The following NIT1 variants were observed in gnomAD, a reference collection of about 807,000 sequenced individuals.
NIT1 encodes nitrilase 1.
A neutral mutation model predicts 36.8 loss-of-function variants in NIT1; 30 were observed. That is an observed-to-expected ratio of 0.82 (90% CI 0.61 to 1.11). The LOEUF is 1.11. Among genes scored for constraint, NIT1 ranks in the 50% least tolerant of loss-of-function variants. The pLI is 0.00. For missense variants in NIT1, 438 were observed against 410.6 expected, an observed-to-expected ratio of 1.07 and a Z score of -0.58; for synonymous variants, 151 against 155.6, an observed-to-expected ratio of 0.97 and a Z score of 0.22.
chr1:161,124,045 A>C, downstream of NIT1: 1 of 1,578,364 alleles, frequency 6.3e-7, no homozygotes, highest in Non-Finnish European at 8.6e-7. Flanking sequence ...AGTACTCCCC[A>C]GGATCAATGT....
In NIT1 at chr1:161,119,594, G is replaced by T. The variant is rs546850661; in HGVS notation, c.439G>T (p.Val147Leu). Reference protein sequence around the residue: ...EQTQKIYNCHVLLNSKGAVVA... With the variant: ...EQTQKIYNCHLLLNSKGAVVA... ...GACTCAGAAAATCTACAATTGTCACGTGCTGCTGAACAGCAAAGGTGAGAC... is the reference window on the plus strand; with the variant it reads ...GACTCAGAAAATCTACAATTGTCACTTGCTGCTGAACAGCAAAGGTGAGAC... The change falls in exon 4 of 7, where the codon GTG (valine) becomes TTG (leucine). Residue 147 changes from valine to leucine, a missense_variant. By Grantham distance (32) the Val-to-Leu change is conservative. Coordinates refer to ENST00000368009, the MANE Select transcript of NIT1 (RefSeq NM_005600.3). 2 of 1,614,080 alleles carry T rather than the reference G, an allele frequency of 1.2e-6. No individual in the cohort carries two copies. Among genetic ancestry groups the T allele is most frequent in the Non-Finnish European group, 1.7e-6 (2 of 1,179,960 alleles).
downstream of NIT1, chr1:161,124,683 CA>C (rs1202967626): frequency 6.0e-6 from 6 of 994,156 alleles, no homozygotes; most frequent in Non-Finnish European, 8.2e-6. Flanking sequence ...AAACACTGGC[CA>C]GGCACAGGGG....
At chr1:161,118,305 G>T in intron 1 of NIT1, 127 bp downstream of exon 1, 2 of 1,565,370 alleles carry the variant, frequency 1.3e-6, no homozygotes, top group Non-Finnish European at 1.7e-6. Context: ...GCGGCGGGAG[G>T]GTGGAGGGCG....
chr1:161,123,161 C>A, downstream of NIT1: 2 of 1,614,180 alleles, frequency 1.2e-6, no homozygotes, highest in Non-Finnish European at 1.7e-6. Flanking sequence ...TCGGGCTGGC[C>A]GCTTGCTACA....
rs1141246 is a variant in NIT1 at position 161,118,874 on chromosome 1, C to T, written c.91C>T (p.Gln31Ter). 1 of 1,612,662 alleles carries T rather than the reference C, an allele frequency of 6.2e-7. No individual in the cohort carries two copies. The highest frequency in any genetic ancestry group is 2.2e-5 in the East Asian group (1 of 44,872). Residue 31 changes from glutamine to a stop codon, truncating the protein, a stop_gained, in exon 2 of 7, where the codon CAG (glutamine) becomes TAG (stop). Coordinates refer to ENST00000368009, the MANE Select transcript of NIT1 (RefSeq NM_005600.3). LOFTEE classifies it high-confidence loss of function. ...RIPQLSVLCA[Q>*]PRPRAMAISS... is the part of the protein sequence containing the mutation. ...ACCTCAACTCTCAGTACTTTGTGCTCAGCCCAGGTAACACGTTTTGTTGTG... is the reference window on the plus strand; with the variant it reads ...ACCTCAACTCTCAGTACTTTGTGCTTAGCCCAGGTAACACGTTTTGTTGTG...
chr1:161,119,046 C>T (rs1422838632), intron 2 of NIT1, 88 bp from the exon 3 acceptor site: 7 of 1,528,104 alleles, frequency 4.6e-6, no homozygotes, highest in Non-Finnish European at 6.3e-6. Flanking sequence ...GGAAGTCCAG[C>T]TTTCCTGCCT....
chr1:161,122,015 C>CT, downstream of NIT1: 1 of 1,223,616 alleles, frequency 8.2e-7, no homozygotes, highest in Non-Finnish European at 1.1e-6. The surrounding 1 kb of genome is among the most constrained non-coding windows in gnomAD (Gnocchi z 4.2). Flanking sequence ...TTTCTTTTGT[C>CT]TTTTTCTTTA....
At position 161,121,143 on chromosome 1, in the gene NIT1, C is replaced by T; in HGVS notation, c.*378C>T. On this transcript the variant is annotated 3_prime_UTR_variant, in exon 7 of 7. Transcript: ENST00000368009. ...AGCTGGACTAAGCTCCAGTTCTAGA[C>T]CTCCTGGCTCATTCAACATGCCTCC... 1 of 1,071,816 alleles carries T rather than the reference C, an allele frequency of 9.3e-7. No individual in the cohort carries two copies. The highest frequency in any genetic ancestry group is 1.1e-6 in the Non-Finnish European group (1 of 881,140). 66.4% of individuals were successfully genotyped at this position (1,071,816 alleles called of 1,614,324 possible). A position where few individuals can be genotyped will look rare whatever the true frequency, so the allele number is the denominator to read the frequency against.
At chr1:161,121,939 AAAAGGGAAAT>A (rs1339034999), downstream of NIT1, 1 of 601,724 alleles carries the variant, frequency 1.7e-6, no homozygotes, top group African/African-American at 1.9e-5. Flanking sequence ...GGGTAAATGG[AAAAGGGAAAT>A]AAAGGGGAAG....
downstream of NIT1, chr1:161,123,769 C>T: frequency 2.9e-6 from 4 of 1,386,420 alleles, no homozygotes; most frequent in Non-Finnish European, 4.0e-6. Context: ...GCTGGCAAAG[C>T]CCAGAATGTG....
chr1:161,118,744 C>T (rs375326904), intron 1 of NIT1, 42 bp from the exon 2 acceptor site: 1 of 1,524,962 alleles, frequency 6.6e-7, no homozygotes. Context: ...AAATTTATTG[C>T]TTGAAGAAGG....
Position 161,120,795 on chromosome 1 carries a change from C to A in NIT1, c.*30C>A, listed in dbSNP as rs1285175140. On this transcript the variant is annotated 3_prime_UTR_variant, in exon 7 of 7. Transcript: ENST00000368009. ...TGACTTCTGTGAGTTTAGACCTGCCCCTCCCACCCCCACCCTGCCACTATG... is the reference window on the plus strand; with the variant it reads ...TGACTTCTGTGAGTTTAGACCTGCCACTCCCACCCCCACCCTGCCACTATG... The A allele has an allele frequency of 6.3e-7, 1 of 1,593,852 alleles. No homozygotes were observed.
In NIT1 at chr1:161,120,866, C is replaced by T. The variant is rs979421150; in HGVS notation, c.*101C>T. Reference sequence around the variant, plus strand: ...GGAGGCAGGATCCAGGCACAGCTCCCCTCACTTGGAGAACCTTGACTCTCT... The same window carrying T: ...GGAGGCAGGATCCAGGCACAGCTCCTCTCACTTGGAGAACCTTGACTCTCT... On this transcript the variant is annotated 3_prime_UTR_variant, in exon 7 of 7. Coordinates refer to ENST00000368009, the MANE Select transcript of NIT1 (RefSeq NM_005600.3). 2.7e-6 allele frequency: 4 copies of T among 1,495,700 alleles called. No homozygotes were observed. In the African/African-American group the frequency reaches 5.6e-5, roughly 21 times the overall value. 92.7% of individuals were successfully genotyped at this position (1,495,700 alleles called of 1,614,324 possible).
chr1:161,123,707 A>ATTTT, downstream of NIT1: 2 of 632,798 alleles, frequency 3.2e-6, no homozygotes, highest in South Asian at 2.3e-5. Flanking sequence ...ACCTCGCCTG[A>ATTTT]TTTTTTTTTT....
At chr1:161,122,579 A>G (rs2101735808), downstream of NIT1, 5 of 1,562,180 alleles carry the variant, frequency 3.2e-6, no homozygotes, top group East Asian at 2.3e-5. This position sits in a 1 kb window ranked among gnomAD's most constrained non-coding sequence, Gnocchi z 4.2. Context: ...ATGAGTTTAC[A>G]AGCCAAGCTT....
At chr1:161,118,289 GA>G in intron 1 of NIT1, 111 bp downstream of exon 1, 1 of 1,591,708 alleles carries the variant, frequency 6.3e-7, no homozygotes, top group East Asian at 2.3e-5. Context: ...GGGCCAACTG[GA>G]GCGGGCGGCG....
chr1:161,122,757 TAG>T (rs1472077572), downstream of NIT1, among the ~76,000 whole-genome samples: 1 of 152,224 alleles, frequency 6.6e-6, no homozygotes, highest in Non-Finnish European at 1.5e-5. The surrounding 1 kb of genome is among the most constrained non-coding windows in gnomAD (Gnocchi z 4.2). Flanking sequence ...TACTCACAGG[TAG>T]CAACTTGTTT....
In NIT1 at chr1:161,120,872, T is replaced by C. The variant is rs897985073; in HGVS notation, c.*107T>C. On this transcript the variant is annotated 3_prime_UTR_variant, in exon 7 of 7. Coordinates refer to ENST00000368009, the MANE Select transcript of NIT1 (RefSeq NM_005600.3). ...AGGATCCAGGCACAGCTCCCCTCACTTGGAGAACCTTGACTCTCTTGATGG... is the reference window on the plus strand; with the variant it reads ...AGGATCCAGGCACAGCTCCCCTCACCTGGAGAACCTTGACTCTCTTGATGG... 6.8e-7 allele frequency: 1 copy of C among 1,474,998 alleles called. No individual in the cohort carries two copies. The highest frequency in any genetic ancestry group is 2.3e-5 in the Admixed American group (1 of 42,802). 91.4% of individuals were successfully genotyped at this position (1,474,998 alleles called of 1,614,324 possible). A position where few individuals can be genotyped will look rare whatever the true frequency, so the allele number is the denominator to read the frequency against.
downstream of NIT1, chr1:161,122,099 C>T: frequency 6.3e-7 from 1 of 1,599,674 alleles, no homozygotes; most frequent in Non-Finnish European, 8.5e-7. This position sits in a 1 kb window ranked among gnomAD's most constrained non-coding sequence, Gnocchi z 4.2. Context: ...GTGTAAGCTC[C>T]AGAGGTGGGT....
Sources: allele counts gnomAD v4.1 joint callset (sites outside exome capture counted in the v4.1 genomes callset), GRCh38; gene constraint gnomAD v4.1.1; non-coding constraint Gnocchi (gnomAD v3.1); transcripts MANE v1.5; gene names NCBI Gene and HGNC (gene_info 2026-07-23, HGNC 2026-07-21).